Variants in PUM1 observed in about 807,000 individuals in gnomAD.
PUM1 encodes pumilio homolog 1.
PUM1 carries 13 observed loss-of-function variants against 131.8 expected under a neutral mutation model. The ratio of observed to expected loss-of-function variants is 0.10; its 90% CI spans 0.06 to 0.16. The LOEUF is 0.16. Among genes scored for constraint, PUM1 ranks in the 10% least tolerant of loss-of-function variants. PUM1 has a pLI of 1.00. For synonymous variants in PUM1, 509 were observed against 556.5 expected, an observed-to-expected ratio of 0.91 and a Z score of 1.20; for missense variants, 961 against 1,512.4, an observed-to-expected ratio of 0.64 and a Z score of 6.05.
At chr1:31,057,017 T>A (rs2124600558) in intron 2 of PUM1, among the ~76,000 whole-genome samples, 1 of 152,148 alleles carries the variant, frequency 6.6e-6, no homozygotes, top group East Asian at 1.9e-4. Flanking sequence ...GGTCTCAAAC[T>A]CCTTACCTCA....
intron 15 of PUM1, 82 bp downstream of exon 15, chr1:30,953,631 AT>A (rs1358626488): frequency 6.9e-7 from 1 of 1,454,922 alleles, no homozygotes; most frequent in African/African-American, 1.4e-5. Flanking sequence ...ATGGCAATTT[AT>A]TTAAGTAGAT....
intron 2 of PUM1, among the ~76,000 whole-genome samples, chr1:31,038,452 G>GT (rs1250661532): frequency 6.6e-6 from 1 of 152,144 alleles, no homozygotes; most frequent in Non-Finnish European, 1.5e-5. Flanking sequence ...AACATCTGAA[G>GT]TAACACCCGC....
intron 3 of PUM1, among the ~76,000 whole-genome samples, chr1:31,012,493 G>A (rs542052292): frequency 2.6e-4 from 38 of 145,050 alleles, no homozygotes; most frequent in Admixed American, 2.9e-4. Context: ...ACACACACAC[G>A]TACACTGTTT....
intron 2 of PUM1, among the ~76,000 whole-genome samples, chr1:31,056,068 T>G (rs1040582140): frequency 1.3e-5 from 2 of 152,162 alleles, no homozygotes; most frequent in Non-Finnish European, 2.9e-5. Context: ...CTACCTTGAT[T>G]TCCTGCTACA....
chr1:31,043,619 AT>A (rs1643889319), intron 2 of PUM1, among the ~76,000 whole-genome samples: 1 of 152,158 alleles, frequency 6.6e-6, no homozygotes, highest in Admixed American at 6.6e-5. Flanking sequence ...ATAAAGAAAA[AT>A]TGTCACCAGC....
chr1:30,933,878 A>G (rs577073804), intron 21 of PUM1, among the ~76,000 whole-genome samples: 1 of 152,346 alleles, frequency 6.6e-6, no homozygotes, highest in South Asian at 2.1e-4. Context: ...GAAATGATGA[A>G]CATCATGAGC....
At chr1:31,000,039 C>T (rs1642148798) in intron 5 of PUM1, among the ~76,000 whole-genome samples, 1 of 152,194 alleles carries the variant, frequency 6.6e-6, no homozygotes, top group Non-Finnish European at 1.5e-5. Flanking sequence ...TGGCTGGGCC[C>T]ACCCTCTGCA....
chr1:30,945,607 G>A lies in PUM1; in HGVS notation c.2857-124C>T, dbSNP rs186403661. On this transcript the variant is annotated intron_variant, in intron 17 of 21. Coordinates refer to ENST00000426105, the MANE Select transcript of PUM1 (RefSeq NM_001020658.2). ...AATCTGTGATGATGAAAGTGGAATA[G>A]CAGCTGTGGAACAATGACAACAGGG... is the stretch of plus-strand genomic sequence containing the variant. 2.0e-5 allele frequency: 20 copies of A among 1,022,902 alleles called. No individual in the cohort carries two copies. The African/African-American group carries it at 2.9e-4, about 15-fold the overall frequency. The allele number at this position is 1,022,902 out of a possible 1,614,324, so 63.4% of individuals were successfully genotyped here.
At chr1:31,025,536 G>GT (rs1314150824) in intron 3 of PUM1, among the ~76,000 whole-genome samples, 4 of 129,086 alleles carry the variant, frequency 3.1e-5, no homozygotes, top group African/African-American at 5.6e-5. Flanking sequence ...ATACTGGTTT[G>GT]TTTTTTGTCT....
At chr1:30,939,482 G>A (rs2124384615) in intron 20 of PUM1, among the ~76,000 whole-genome samples, 1 of 152,276 alleles carries the variant, frequency 6.6e-6, no homozygotes, top group South Asian at 2.1e-4. Flanking sequence ...TAGCTGCCCA[G>A]CATGGAAAAG....
chr1:31,039,132 G>A (rs1289671491), intron 2 of PUM1, among the ~76,000 whole-genome samples: 2 of 148,194 alleles, frequency 1.3e-5, no homozygotes, highest in Non-Finnish European at 3.0e-5. Context: ...GAGTAGCTGG[G>A]ACTACACGTG....
At chr1:31,053,105 G>A (rs1201674041) in intron 2 of PUM1, among the ~76,000 whole-genome samples, 3 of 149,596 alleles carry the variant, frequency 2.0e-5, no homozygotes, top group South Asian at 2.1e-4. Context: ...CTCTGCCCCC[G>A]ATTCAAGCGA....
chr1:30,996,952 T>C (rs934533608), intron 5 of PUM1, among the ~76,000 whole-genome samples: 7 of 151,902 alleles, frequency 4.6e-5, no homozygotes, highest in Non-Finnish European at 1.0e-4. Context: ...AAAAAAATCA[T>C]GCAAAACTGA....
At position 31,009,179 on chromosome 1, in the gene PUM1, T is replaced by A. The variant is rs565361766; in HGVS notation, c.433-2077A>T. Among the ~76,000 whole-genome samples, 71 of 149,988 alleles carry A rather than the reference T, an allele frequency of 4.7e-4. 1 individual carries two copies. Among genetic ancestry groups the A allele is most frequent in the African/African-American group, 1.7e-3 (69 of 40,694 alleles). The stretch of plus-strand genomic sequence containing the variant: ...GCCTGGGCAACAGAGCGAGACTCCA[T>A]CTTCAAAAAAAAAAAAAATCCTGTC... On this transcript the variant is annotated intron_variant, in intron 3 of 21. Coordinates refer to ENST00000426105, the MANE Select transcript of PUM1 (RefSeq NM_001020658.2).
intron 3 of PUM1, among the ~76,000 whole-genome samples, chr1:31,017,758 G>A (rs1463534714): frequency 1.3e-5 from 2 of 152,118 alleles, no homozygotes; most frequent in African/African-American, 4.8e-5. Flanking sequence ...GCAATAAGAA[G>A]AGGGTGAAAA....
chr1:30,981,678 TCTCA>T (rs1267771461), intron 7 of PUM1, among the ~76,000 whole-genome samples: 8 of 63,588 alleles, frequency 1.3e-4, no homozygotes, highest in Non-Finnish European at 2.3e-4. Context: ...ATACACACTC[TCTCA>T]CACACACACA....
In PUM1 at chr1:31,007,091, T is replaced by A; in HGVS notation, c.444A>T (p.Pro148=). ...CATCTGTTTCCCAAAACTTTTTACC[T>A]GGCAAGAGCTGCTGCAAATTAAAAA... ...EGRAMGEQLL[P]GKKFWETDES... Residue 148 remains proline (P), a synonymous_variant, in exon 4 of 22, where the codon CCA becomes CCT. Transcript: ENST00000426105. 6.2e-7 allele frequency: 1 copy of A among 1,612,526 alleles called. No individual in the cohort carries two copies. Among genetic ancestry groups the A allele is most frequent in the Non-Finnish European group, 8.5e-7 (1 of 1,178,648 alleles).
rs1314789862 is a variant in PUM1, at chr1:30,933,182, G to C, written c.*29C>G. ...TGCCAGTGGGCCAGTGAGGTCAGCG[G>C]GAATGAGGGAACAGCGGGTGACACT... On this transcript the variant is annotated 3_prime_UTR_variant, in exon 22 of 22. Coordinates refer to ENST00000426105, the MANE Select transcript of PUM1 (RefSeq NM_001020658.2). 1 of 1,596,682 alleles carries C rather than the reference G, an allele frequency of 6.3e-7. No individual in the cohort carries two copies. Among genetic ancestry groups the C allele is most frequent in the Non-Finnish European group, 8.5e-7 (1 of 1,170,892 alleles).
At position 31,065,618 on chromosome 1, in the gene PUM1, G is replaced by T; in HGVS notation, c.-14C>A. ...GCCGGTGGGGTGCGGATACTCACGG[G>T]CGGAGCGGTAGGATGAAGATGGATT... On this transcript the variant is annotated splice_region_variant and 5_prime_UTR_variant, in exon 1 of 22. Coordinates refer to ENST00000426105, the MANE Select transcript of PUM1 (RefSeq NM_001020658.2). 1 of 1,547,314 alleles carries T rather than the reference G, an allele frequency of 6.5e-7. No individual in the cohort carries two copies.
Sources: gnomAD v4.1 joint callset for allele counts (sites outside exome capture counted in the v4.1 genomes callset) on GRCh38, gnomAD v4.1.1 for gene constraint, MANE v1.5 for transcripts, NCBI Gene and HGNC (gene_info 2026-07-23, HGNC 2026-07-21) for gene names.